NRXN3: variants seen among roughly 807,000 people sequenced by gnomAD.
The protein encoded by NRXN3 is neurexin 3.
Under a neutral mutation model 137.6 loss-of-function variants are expected in NRXN3, and 32 were observed. The ratio of observed to expected loss-of-function variants is 0.23; its 90% CI spans 0.18 to 0.31. The LOEUF is 0.31. Ranked by LOEUF, NRXN3 falls within the 10% of genes least tolerant of loss-of-function variation. NRXN3 has a pLI of 1.00. For missense variants in NRXN3, 1,574 were observed against 2,062.5 expected, an observed-to-expected ratio of 0.76 and a Z score of 4.59; for synonymous variants, 798 against 784.5, an observed-to-expected ratio of 1.02 and a Z score of -0.29.
chr14:78,267,995 G>A (rs372564098), intron 2 of NRXN3, among the ~76,000 whole-genome samples: 37 of 152,278 alleles, frequency 2.4e-4, no homozygotes, highest in Middle Eastern at 6.8e-3. Context: ...ACAAAAAAAG[G>A]GTGAGGATAA....
chr14:79,829,437 T>C (rs1315634281), intron 20 of NRXN3, among the ~76,000 whole-genome samples: 2 of 152,232 alleles, frequency 1.3e-5, no homozygotes, highest in Non-Finnish European at 2.9e-5. Context: ...TCTCTGCTTA[T>C]AAAAATTCAT....
intron 19 of NRXN3, among the ~76,000 whole-genome samples, chr14:79,701,191 T>C (rs2098753298): frequency 6.6e-6 from 1 of 152,074 alleles, no homozygotes; most frequent in South Asian, 2.1e-4. Flanking sequence ...TGGAGCTAGA[T>C]TAGCTGGGTT....
intron 16 of NRXN3, among the ~76,000 whole-genome samples, chr14:79,613,668 C>T (rs1041238381): frequency 5.3e-5 from 8 of 152,230 alleles, no homozygotes; most frequent in African/African-American, 1.9e-4. Flanking sequence ...AACTAACTGG[C>T]TCACTAACCA....
intron 15 of NRXN3, among the ~76,000 whole-genome samples, chr14:79,403,867 G>A (rs1204543778): frequency 6.6e-6 from 1 of 152,150 alleles, no homozygotes; most frequent in Non-Finnish European, 1.5e-5. Context: ...GGAGCAAAGG[G>A]TGGAAAGGTA....
chr14:78,685,116 A>G (rs2098114180), intron 6 of NRXN3, among the ~76,000 whole-genome samples: 1 of 152,210 alleles, frequency 6.6e-6, no homozygotes, highest in Admixed American at 6.5e-5. Context: ...AGGACCACAG[A>G]GGAGGAGCCA....
chr14:79,596,576 C>T (rs1363495096), intron 16 of NRXN3, among the ~76,000 whole-genome samples: 2 of 130,962 alleles, frequency 1.5e-5, no homozygotes, highest in Non-Finnish European at 3.3e-5. Flanking sequence ...AATTTTTGGA[C>T]AGGAGCACTC....
chr14:79,339,231 A>T (rs1477456009), intron 15 of NRXN3, among the ~76,000 whole-genome samples: 1 of 152,214 alleles, frequency 6.6e-6, no homozygotes, highest in Non-Finnish European at 1.5e-5. Flanking sequence ...TCATTTAAAT[A>T]CATTGTAAAG....
intron 10 of NRXN3, among the ~76,000 whole-genome samples, chr14:78,823,304 T>G (rs1403253031): frequency 6.6e-6 from 1 of 152,196 alleles, no homozygotes; most frequent in East Asian, 1.9e-4. Context: ...GCCAACAGGT[T>G]GTGGCTGCTG....
chr14:78,782,458 T>C (rs960921385), intron 8 of NRXN3, among the ~76,000 whole-genome samples: 2 of 152,190 alleles, frequency 1.3e-5, no homozygotes, highest in African/African-American at 4.8e-5. Context: ...ACGCCTCTGG[T>C]TGGAAAGGAA....
chr14:78,764,967 G>T (rs984341822), intron 8 of NRXN3, among the ~76,000 whole-genome samples: 2 of 152,150 alleles, frequency 1.3e-5, no homozygotes, highest in African/African-American at 4.8e-5. Flanking sequence ...TATGTAAAGG[G>T]ATTTAGACAA....
At chr14:78,377,728 G>T (rs1181181502) in intron 4 of NRXN3, among the ~76,000 whole-genome samples, 1 of 152,168 alleles carries the variant, frequency 6.6e-6, no homozygotes. Flanking sequence ...TGGTGTGCCT[G>T]CACATCCCCA....
chr14:79,299,207 G>A (rs937574649), intron 15 of NRXN3, among the ~76,000 whole-genome samples: 26 of 152,088 alleles, frequency 1.7e-4, no homozygotes, highest in African/African-American at 5.3e-4. Flanking sequence ...TAAGATTTAA[G>A]CATCAACTTC....
At chr14:79,733,626 T>C (rs1207484098) in intron 19 of NRXN3, among the ~76,000 whole-genome samples, 1 of 151,840 alleles carries the variant, frequency 6.6e-6, no homozygotes, top group African/African-American at 2.4e-5. Flanking sequence ...CTTGACACAA[T>C]GAAGGGACCA....
chr14:79,397,308 ATGTT>A (rs1358072580), intron 15 of NRXN3, among the ~76,000 whole-genome samples: 1 of 152,158 alleles, frequency 6.6e-6, no homozygotes, highest in Non-Finnish European at 1.5e-5. Context: ...TTTCATGAAA[ATGTT>A]TGTCAGACTG....
At chr14:78,732,949 A>G (rs1018523049) in intron 8 of NRXN3, among the ~76,000 whole-genome samples, 58 of 152,122 alleles carry the variant, frequency 3.8e-4, no homozygotes, top group African/African-American at 1.3e-3. Context: ...AATTTGCTCA[A>G]GTCTGGGATT....
At chr14:79,277,081 G>A (rs2080403959) in intron 15 of NRXN3, among the ~76,000 whole-genome samples, 1 of 152,116 alleles carries the variant, frequency 6.6e-6, no homozygotes, top group Non-Finnish European at 1.5e-5. Flanking sequence ...TAATGGGAGG[G>A]GATGCCTTCC....
chr14:79,858,413 T>C (rs1259932431), intron 20 of NRXN3, among the ~76,000 whole-genome samples: 1 of 152,174 alleles, frequency 6.6e-6, no homozygotes, highest in Non-Finnish European at 1.5e-5. Context: ...GTGATCTTAA[T>C]CCCACTTAAA....
At chr14:79,141,968 C>A (rs1349437210) in intron 15 of NRXN3, among the ~76,000 whole-genome samples, 3 of 152,138 alleles carry the variant, frequency 2.0e-5, no homozygotes, top group African/African-American at 7.2e-5. Context: ...TATTGAGAAT[C>A]TCAGCCATCA....
chr14:78,645,116 A>G lies in NRXN3; in HGVS notation c.758-4A>G, dbSNP rs201851230. On this transcript the variant is annotated splice_region_variant and splice_polypyrimidine_tract_variant and intron_variant, in intron 4 of 20. Coordinates refer to ENST00000335750, the MANE Select transcript of NRXN3 (RefSeq NM_001330195.2). ...GATTGCTTTCCTCTTTTCTTTTCCTATAGCTCGAGAGGAGAATGTGGCCAC... is the reference window on the plus strand; with the variant it reads ...GATTGCTTTCCTCTTTTCTTTTCCTGTAGCTCGAGAGGAGAATGTGGCCAC... 1.2e-4 allele frequency: 191 copies of G among 1,540,646 alleles called. No individual in the cohort carries two copies. The highest frequency in any genetic ancestry group is 1.9e-5 in the Non-Finnish European group (22 of 1,148,274).
Sources: allele counts gnomAD v4.1 joint callset (sites outside exome capture counted in the v4.1 genomes callset), GRCh38; gene constraint gnomAD v4.1.1; transcripts MANE v1.5; gene names NCBI Gene and HGNC (gene_info 2026-07-23, HGNC 2026-07-21).